SPG7: variants seen among roughly 807,000 people sequenced by gnomAD.
The protein encoded by SPG7 is SPG7 matrix AAA peptidase subunit, paraplegin, also known as mitochondrial inner membrane m-AAA protease component paraplegin.
A neutral mutation model predicts 81.9 loss-of-function variants in SPG7; 103 were observed. The ratio of observed to expected loss-of-function variants is 1.26; its 90% CI spans 1.07 to 1.48. SPG7 has a LOEUF of 1.48. SPG7 is among the 40% of genes most tolerant of loss of function. The probability of loss-of-function intolerance (pLI) is 0.00; values close to 1 mark genes in which losing one functional copy is unlikely to be tolerated. For synonymous variants in SPG7, 534 were observed against 444.2 expected (o/e 1.20, Z -2.54); for missense variants, 1,241 against 1,087.3 (o/e 1.14, Z -1.99).
rs79363367 is a variant in SPG7 at position 89,549,674 on chromosome 16, A to T, written c.1664-820A>T. 4 of 172,750 alleles carry T rather than the reference A, an allele frequency of 2.3e-5. No individual in the cohort carries two copies. In the East Asian group the frequency reaches 6.5e-4, roughly 28 times the overall value. The allele number at this position is 172,750 out of a possible 1,614,324, so 10.7% of individuals were successfully genotyped here. On this transcript the variant is annotated intron_variant, in intron 12 of 16. Transcript: ENST00000645818. ...CAGAGTGAGACCCTGTCACTGACAG[A>T]AAAAAAGCCTTGTCCCTGAGGCAAA... is the stretch of plus-strand genomic sequence containing the variant.
In SPG7 at chr16:89,547,004, T is replaced by C. The variant is rs462561; in HGVS notation, c.1552+244T>C. On this transcript the variant is annotated intron_variant, in intron 11 of 16. Transcript: ENST00000645818. ...GACGGTGGTTCCCGGTCTGTGTTGT[T>C]TCCAGAGATAGTGGAGTTATGTTGC... 0.98 allele frequency: 487,645 copies of C among 496,966 alleles called. 239,903 individuals are homozygous for C. Among genetic ancestry groups the C allele is most frequent in the East Asian group, 1 (26,213 of 26,214 alleles). 30.8% of individuals were successfully genotyped at this position (496,966 alleles called of 1,614,324 possible). A position where few individuals can be genotyped will look rare whatever the true frequency, so the allele number is the denominator to read the frequency against.
At chr16:89,509,506 C>T (rs576457655) in intron 1 of SPG7, among the ~76,000 whole-genome samples, 47 of 152,220 alleles carry the variant, frequency 3.1e-4, no homozygotes, top group Non-Finnish European at 5.7e-4. Flanking sequence ...GCCTCGGCCT[C>T]CCAAAGTGCT....
chr16:89,532,133 C>T (rs1167007507), intron 8 of SPG7, 67 bp downstream of exon 8: 9 of 1,532,476 alleles, frequency 5.9e-6, no homozygotes, highest in Non-Finnish European at 1.8e-6. Flanking sequence ...ACACATCCTT[C>T]CTCTGGTGTC....
At chr16:89,536,341 T>C (rs960286974) in intron 9 of SPG7, among the ~76,000 whole-genome samples, 1 of 152,048 alleles carries the variant, frequency 6.6e-6, no homozygotes, top group African/African-American at 2.4e-5. Context: ...TGGCCTTCAG[T>C]GTGGCTCTGA....
chr16:89,544,806 C>G (rs1268464408), intron 10 of SPG7, 34 bp downstream of exon 10: 1 of 1,612,900 alleles, frequency 6.2e-7, no homozygotes, highest in South Asian at 1.1e-5. Flanking sequence ...TCCCACTCCA[C>G]CTGGGCCGCC....
chr16:89,538,313 T>C (rs1367899825), intron 9 of SPG7: 1 of 152,114 alleles, frequency 6.6e-6, no homozygotes, highest in Non-Finnish European at 1.5e-5. Flanking sequence ...CCACTCCATG[T>C]GGAAGTCCTG....
chr16:89,515,138 G>A (rs1200632115), intron 3 of SPG7, among the ~76,000 whole-genome samples: 5 of 148,770 alleles, frequency 3.4e-5, no homozygotes, highest in South Asian at 4.3e-4. Flanking sequence ...CGGTTTCACC[G>A]TGTTAGCCAG....
At chr16:89,523,451 T>G (rs1386435802) in intron 3 of SPG7, 1 of 338,988 alleles carries the variant, frequency 2.9e-6, no homozygotes, top group African/African-American at 2.1e-5. Flanking sequence ...TTAATCGTTT[T>G]TAATAACTTT....
At chr16:89,535,147 G>C (rs763646486) in intron 9 of SPG7, among the ~76,000 whole-genome samples, 6 of 152,178 alleles carry the variant, frequency 3.9e-5, no homozygotes, top group Non-Finnish European at 5.9e-5. Flanking sequence ...TGGCAGGATT[G>C]GTGCAGCAGT....
chr16:89,544,122 A>G (rs1447617402), intron 9 of SPG7: 1 of 203,044 alleles, frequency 4.9e-6, no homozygotes, highest in Non-Finnish European at 1.0e-5. Context: ...ATTCACATCA[A>G]GGGCCAGTCA....
intron 3 of SPG7, among the ~76,000 whole-genome samples, chr16:89,514,725 C>T (rs1335431389): frequency 2.0e-5 from 3 of 151,946 alleles, no homozygotes; most frequent in South Asian, 2.1e-4. Flanking sequence ...GTCTCGATCT[C>T]CTGACCTTGT....
At chr16:89,530,933 C>T (rs1410238764) in intron 7 of SPG7, 125 bp downstream of exon 7, 2 of 1,301,096 alleles carry the variant, frequency 1.5e-6, no homozygotes, top group African/African-American at 1.5e-5. Context: ...TGACCTCTAC[C>T]ATGTCCCATG....
At chr16:89,529,739 G>A in intron 6 of SPG7, 160 bp downstream of exon 6, 1 of 695,790 alleles carries the variant, frequency 1.4e-6, no homozygotes, top group South Asian at 1.5e-5. Flanking sequence ...CCATGGTCCG[G>A]CTGTAAGGCG....
At position 89,532,571 on chromosome 16, in the gene SPG7, C is replaced by T. The variant is rs1305539945; in HGVS notation, c.1259C>T (p.Thr420Ile). ...GCGGTGGGCAAGAAGCGCTCCACCA[C>T]CATGTCCGGCTTCTCCAACACGGAG... ...IDAVGKKRST[T>I]MSGFSNTEEE... The change falls in exon 9 of 17, where the codon ACC becomes ATC. Residue 420 changes from threonine (T) to isoleucine (I), a missense_variant. By Grantham distance (89) the Thr-to-Ile change is moderately conservative. Transcript: ENST00000645818. 1.9e-6 allele frequency: 3 copies of T among 1,613,814 alleles called. No individual in the cohort carries two copies. The highest frequency in any genetic ancestry group is 2.2e-5 in the South Asian group (2 of 91,086).
At chr16:89,530,911 G>T in intron 7 of SPG7, 103 bp downstream of exon 7, 2 of 1,530,426 alleles carry the variant, frequency 1.3e-6, no homozygotes, top group Non-Finnish European at 1.8e-6. Context: ...ATGACGTGTC[G>T]TGGGTTGGCG....
Position 89,556,882 on chromosome 16 carries a change from TC to T in SPG7, c.2182-4del. Reference sequence around the variant, plus strand: ...CTCACACACTGCTATGCCTGTTCTTTCTAGCTGGCAAACGCCCTTCTGGAAA... The same window carrying T: ...CTCACACACTGCTATGCCTGTTCTTTTAGCTGGCAAACGCCCTTCTGGAAA... On this transcript the variant is annotated splice_polypyrimidine_tract_variant and splice_region_variant and intron_variant, in intron 16 of 16. Transcript: ENST00000645818. 6.2e-7 allele frequency: 1 copy of T among 1,612,102 alleles called. No homozygotes were observed. The highest frequency in any genetic ancestry group is 1.7e-4 in the Middle Eastern group (1 of 6,042).
chr16:89,508,610 C>G lies in SPG7; in HGVS notation c.183+10C>G, dbSNP rs1442908011. On this transcript the variant is annotated intron_variant, in intron 1 of 16. Coordinates refer to ENST00000645818, the MANE Select transcript of SPG7 (RefSeq NM_003119.4). ...AGGCCGAGCTCTGCAGGTAAATCCC[C>G]GCGGAGTCCGGGCCCCACCTCCCGC... 2 of 1,450,882 alleles carry G rather than the reference C, an allele frequency of 1.4e-6. No individual in the cohort carries two copies. The highest frequency in any genetic ancestry group is 1.4e-5 in the South Asian group (1 of 72,548). 89.9% of individuals were successfully genotyped at this position (1,450,882 alleles called of 1,614,324 possible).
intron 8 of SPG7, among the ~76,000 whole-genome samples, 158 bp from the exon 9 acceptor site, chr16:89,532,305 C>T (rs2058354931): frequency 6.6e-6 from 1 of 152,198 alleles, no homozygotes; most frequent in Admixed American, 6.5e-5. Flanking sequence ...GAGGGGTGGC[C>T]AGGGGCCCCC....
intron 4 of SPG7, 128 bp from the exon 5 acceptor site, chr16:89,526,201 T>C (rs2152400396): frequency 9.2e-7 from 1 of 1,092,122 alleles, no homozygotes; most frequent in Non-Finnish European, 1.4e-6. Flanking sequence ...CTCTAGTTTC[T>C]GAATGGTGTC....
Sources: allele counts gnomAD v4.1 joint callset (sites outside exome capture counted in the v4.1 genomes callset), GRCh38; gene constraint gnomAD v4.1.1; transcripts MANE v1.5; gene names NCBI Gene and HGNC (gene_info 2026-07-23, HGNC 2026-07-21).